ANO2: variants seen among roughly 807,000 people sequenced by gnomAD.
The protein encoded by ANO2 is anoctamin 2.
In ANO2, 101 loss-of-function variants were observed where a neutral mutation model predicts 124.2. The ratio of observed to expected loss-of-function variants is 0.81; its 90% confidence interval spans 0.69 to 0.96. The LOEUF (loss-of-function observed/expected upper bound fraction) is 0.96, where lower values mean the gene tolerates loss of function less well. Among genes scored for constraint, ANO2 ranks in the 40% least tolerant of loss-of-function variants. ANO2 has a pLI of 0.00. For synonymous variants in ANO2, 486 were observed against 482.5 expected (o/e 1.01, Z -0.09); for missense variants, 1,293 against 1,274.5 (o/e 1.01, Z -0.22).
At chr12:5,727,446 C>T (rs935617298) in intron 14 of ANO2, among the ~76,000 whole-genome samples, 10 of 149,456 alleles carry the variant, frequency 6.7e-5, no homozygotes, top group Admixed American at 1.3e-4. Flanking sequence ...TACTCAGTCT[C>T]GGGTATTTAT....
chr12:5,640,637 C>A (rs546403334), intron 15 of ANO2, among the ~76,000 whole-genome samples: 1 of 152,230 alleles, frequency 6.6e-6, no homozygotes, highest in African/African-American at 2.4e-5. Flanking sequence ...CTCATCATCA[C>A]TGGTCATCAG....
intron 14 of ANO2, among the ~76,000 whole-genome samples, chr12:5,695,777 G>C (rs1949146711): frequency 6.6e-6 from 1 of 150,730 alleles, no homozygotes; most frequent in Non-Finnish European, 1.5e-5. Flanking sequence ...GGAGGCGGAG[G>C]TTTTGTTGAG....
chr12:5,612,776 A>T lies in ANO2; in HGVS notation c.1987-20T>A. ...AGCACACTGCAGGGAGAAGATAAGG[A>T]AAGGACCGGTTAGAACAAAAGGGAG... is the stretch of plus-strand genomic sequence containing the variant. On this transcript the variant is annotated intron_variant, in intron 18 of 24. Coordinates refer to ENST00000682330, the MANE Select transcript of ANO2 (RefSeq NM_001364791.2). The T allele has an allele frequency of 6.2e-7, 1 of 1,613,230 alleles. No individual in the cohort carries two copies. Among genetic ancestry groups the T allele is most frequent in the Non-Finnish European group, 8.5e-7 (1 of 1,179,292 alleles).
intron 14 of ANO2, among the ~76,000 whole-genome samples, chr12:5,656,998 A>G (rs534772966): frequency 6.6e-6 from 1 of 152,312 alleles, no homozygotes; most frequent in East Asian, 1.9e-4. Flanking sequence ...CTGAAGCCAA[A>G]TGCCTGTGGT....
At chr12:5,676,117 G>A (rs543830790) in intron 14 of ANO2, among the ~76,000 whole-genome samples, 1 of 152,326 alleles carries the variant, frequency 6.6e-6, no homozygotes, top group East Asian at 1.9e-4. Context: ...CCCAGTCACA[G>A]GATCAAGAGC....
intron 19 of ANO2, among the ~76,000 whole-genome samples, chr12:5,601,012 A>G (rs1336431212): frequency 6.6e-6 from 1 of 152,222 alleles, no homozygotes; most frequent in African/African-American, 2.4e-5. Flanking sequence ...CCTATTTCCT[A>G]TCAAGAGGAT....
intron 14 of ANO2, among the ~76,000 whole-genome samples, chr12:5,711,865 A>C (rs1251312998): frequency 6.6e-6 from 1 of 152,206 alleles, no homozygotes; most frequent in Non-Finnish European, 1.5e-5. Flanking sequence ...TAGCCTAAAA[A>C]TGTACTTCTG....
chr12:5,569,718 G>T (rs989742976), intron 23 of ANO2, among the ~76,000 whole-genome samples: 16 of 152,152 alleles, frequency 1.1e-4, no homozygotes, highest in Admixed American at 6.5e-5. Context: ...AATAATAGAT[G>T]TGTGTGCGTG....
intron 14 of ANO2, among the ~76,000 whole-genome samples, chr12:5,663,701 G>C (rs1397497418): frequency 6.6e-6 from 1 of 152,018 alleles, no homozygotes; most frequent in Non-Finnish European, 1.5e-5. Context: ...TCCTACTCTA[G>C]ACACCAGCCC....
At chr12:5,776,715 C>T (rs1591604340) in intron 10 of ANO2, among the ~76,000 whole-genome samples, 1 of 152,208 alleles carries the variant, frequency 6.6e-6, no homozygotes, top group Admixed American at 6.5e-5. Flanking sequence ...CATATTTTAA[C>T]GTAAGGACTA....
intron 3 of ANO2, among the ~76,000 whole-genome samples, chr12:5,918,628 A>T (rs576564546): frequency 2.9e-4 from 44 of 152,048 alleles, no homozygotes; most frequent in Non-Finnish European, 4.4e-5. Flanking sequence ...TTTAGTAGAG[A>T]CAGTGTTTCA....
rs572248839 is a variant in ANO2, at chr12:5,685,510, C to A, written c.1546-37709G>T. Among the ~76,000 whole-genome samples, 6 of 152,342 alleles carry A rather than the reference C, an allele frequency of 3.9e-5. No homozygotes were observed. The South Asian group carries it at 8.3e-4, about 21-fold the overall frequency. The stretch of plus-strand genomic sequence containing the variant: ...GCCACAGGAAGAGCCTGGGGCTGGG[C>A]ACAGTGGCTCAGGCCTATAATCCCA... On this transcript the variant is annotated intron_variant, in intron 14 of 24. Transcript: ENST00000682330.
At chr12:5,665,526 G>A (rs1229808930) in intron 14 of ANO2, among the ~76,000 whole-genome samples, 1 of 152,130 alleles carries the variant, frequency 6.6e-6, no homozygotes, top group Non-Finnish European at 1.5e-5. Flanking sequence ...TAACCAACCA[G>A]CAATGAGCAC....
At chr12:5,935,038 AG>A (rs1249162387) in intron 1 of ANO2, among the ~76,000 whole-genome samples, 11 of 152,346 alleles carry the variant, frequency 7.2e-5, no homozygotes, top group Non-Finnish European at 1.5e-4. Context: ...CATGAGGGAT[AG>A]GAACAATCCT....
At chr12:5,847,469 G>GTC (rs1241019098) in intron 4 of ANO2, among the ~76,000 whole-genome samples, 10 of 151,852 alleles carry the variant, frequency 6.6e-5, no homozygotes, top group Admixed American at 5.2e-4. Context: ...GTGTGTGTGT[G>GTC]TGTGTGTGTC....
At chr12:5,825,089 G>T (rs1953916824) in intron 7 of ANO2, among the ~76,000 whole-genome samples, 3 of 152,166 alleles carry the variant, frequency 2.0e-5, no homozygotes, top group African/African-American at 7.2e-5. Flanking sequence ...ACCATCCGTG[G>T]ACTCATAGAA....
intron 14 of ANO2, among the ~76,000 whole-genome samples, chr12:5,655,516 C>T (rs1279737065): frequency 6.6e-6 from 1 of 152,160 alleles, no homozygotes; most frequent in Non-Finnish European, 1.5e-5. Flanking sequence ...TGCTGCTAGT[C>T]AGGGAACTGT....
At chr12:5,870,326 G>A (rs925581561) in intron 3 of ANO2, 4 of 152,198 alleles carry the variant, frequency 2.6e-5, no homozygotes, top group African/African-American at 9.7e-5. Context: ...CCCAGCCCAG[G>A]GCAGTGGGGG....
intron 3 of ANO2, among the ~76,000 whole-genome samples, 179 bp downstream of exon 3, chr12:5,920,861 C>T (rs1048166704): frequency 2.0e-5 from 3 of 151,824 alleles, no homozygotes; most frequent in Admixed American, 6.6e-5. Context: ...AGCAAGACTC[C>T]GTCTCAAAAA....
Sources: allele counts gnomAD v4.1 joint callset (sites outside exome capture counted in the v4.1 genomes callset), GRCh38; gene constraint gnomAD v4.1.1; transcripts MANE v1.5; gene names NCBI Gene and HGNC (gene_info 2026-07-23, HGNC 2026-07-21).